The following HECW2 variants were observed in gnomAD, a reference collection of about 807,000 sequenced individuals.
HECW2 encodes HECT, C2 and WW domain containing E3 ubiquitin protein ligase 2.
Under a neutral mutation model 175.2 loss-of-function variants are expected in HECW2, and 61 were observed. That is an observed-to-expected ratio of 0.35 (90% CI 0.28 to 0.43). The LOEUF is 0.43. HECW2 is among the 20% of genes least tolerant of loss of function. HECW2 has a pLI of 1.00. For synonymous variants in HECW2, 671 were observed against 731.0 expected, an observed-to-expected ratio of 0.92 and a Z score of 1.32; for missense variants, 1,524 against 2,000.5, an observed-to-expected ratio of 0.76 and a Z score of 4.54.
intron 1 of HECW2, among the ~76,000 whole-genome samples, chr2:196,496,955 A>G (rs1575606458): frequency 6.6e-6 from 1 of 152,210 alleles, no homozygotes; most frequent in Admixed American, 6.5e-5. Flanking sequence ...GGGAAAAATG[A>G]GTAAAACGCA....
At chr2:196,257,137 T>G (rs1189870544) in intron 18 of HECW2, among the ~76,000 whole-genome samples, 1 of 152,196 alleles carries the variant, frequency 6.6e-6, no homozygotes, top group African/African-American at 2.4e-5. Context: ...AACCACTGGG[T>G]AGAGCAAAGC....
chr2:196,437,609 C>G (rs1695916188), intron 1 of HECW2, among the ~76,000 whole-genome samples: 1 of 1,008 alleles, frequency 9.9e-4, no homozygotes, highest in Admixed American at 0.022. Context: ...GAGACTCTGT[C>G]TCAAAAAAAA....
chr2:196,355,900 T>C (rs1015267265), intron 2 of HECW2, among the ~76,000 whole-genome samples: 2 of 152,062 alleles, frequency 1.3e-5, no homozygotes, highest in African/African-American at 4.8e-5. Flanking sequence ...CAATTTTACA[T>C]AGGTTGGTCA....
At chr2:196,292,293 TAGAG>T in intron 14 of HECW2, 4 of 375,778 alleles carry the variant, frequency 1.1e-5, no homozygotes, top group South Asian at 1.1e-4. Flanking sequence ...CAGCAGAGCA[TAGAG>T]AGAGATGACA....
intron 17 of HECW2, among the ~76,000 whole-genome samples, chr2:196,259,361 T>C (rs1422500578): frequency 6.6e-6 from 1 of 152,190 alleles, no homozygotes; most frequent in Non-Finnish European, 1.5e-5. Flanking sequence ...GAAGGCAAGG[T>C]TTCATGTTCA....
At chr2:196,234,529 A>G (rs1385238006) in intron 21 of HECW2, among the ~76,000 whole-genome samples, 1 of 152,120 alleles carries the variant, frequency 6.6e-6, no homozygotes, top group East Asian at 1.9e-4. Flanking sequence ...TCCTCGCCTG[A>G]AGCAATACTC....
intron 1 of HECW2, among the ~76,000 whole-genome samples, chr2:196,434,212 C>A (rs190140246): frequency 6.6e-6 from 1 of 152,180 alleles, no homozygotes; most frequent in Non-Finnish European, 1.5e-5. Context: ...GCCTGCTACA[C>A]GGTACATGTC....
intron 1 of HECW2, among the ~76,000 whole-genome samples, chr2:196,581,922 C>T (rs1462096420): frequency 2.6e-5 from 4 of 151,292 alleles, no homozygotes; most frequent in African/African-American, 4.9e-5. Context: ...AAAAATTAGC[C>T]GGGAGTGGTG....
At chr2:196,353,556 T>C (rs1693249641) in intron 2 of HECW2, among the ~76,000 whole-genome samples, 1 of 152,196 alleles carries the variant, frequency 6.6e-6, no homozygotes, top group Admixed American at 6.5e-5. Flanking sequence ...GAATGGAAGA[T>C]ATTGATAATG....
At position 196,271,270 on chromosome 2, in the gene HECW2, A is replaced by C. The variant is rs748631113; in HGVS notation, c.3258T>G (p.Val1086=). The C allele has an allele frequency of 1.9e-6, 3 of 1,607,820 alleles. No homozygotes were observed. Among genetic ancestry groups the C allele is most frequent in the Non-Finnish European group, 1.7e-6 (2 of 1,174,520 alleles). The change falls in exon 17 of 29, where the codon GTT becomes GTG. Residue 1086 remains valine, a synonymous_variant. Coordinates refer to ENST00000644978, the MANE Select transcript of HECW2 (RefSeq NM_001348768.2). The part of the protein sequence containing the change: ...MVPVAYNDKI[V]AFLRQPNIFE... ...AGATATTGGGTTGACGTAGAAATGC[A>C]ACAATCTTGTCATTGTAAGCTGAAA...
At chr2:196,310,789 T>TGTGTGTGTGTGTG (rs1559030489) in intron 10 of HECW2, among the ~76,000 whole-genome samples, 5 of 151,434 alleles carry the variant, frequency 3.3e-5, no homozygotes, top group Admixed American at 6.6e-5. Context: ...TGTGTGTGTG[T>TGTGTGTGTGTGTG]TTTGCACTGA....
chr2:196,384,726 C>T (rs1297278379), intron 2 of HECW2, among the ~76,000 whole-genome samples: 3 of 152,122 alleles, frequency 2.0e-5, no homozygotes, highest in African/African-American at 7.2e-5. Context: ...ATTATGACAT[C>T]CTGAATTAAG....
chr2:196,592,734 C>A (rs964860793), intron 1 of HECW2: 1 of 152,150 alleles, frequency 6.6e-6, no homozygotes, highest in Non-Finnish European at 1.5e-5. Context: ...AAGCCACCTC[C>A]CGCCGTCCGC....
intron 3 of HECW2, among the ~76,000 whole-genome samples, chr2:196,337,951 G>A (rs1436719617): frequency 6.6e-6 from 1 of 152,148 alleles, no homozygotes; most frequent in East Asian, 1.9e-4. Flanking sequence ...TTATAGCATT[G>A]CTAAAATACA....
intron 18 of HECW2, among the ~76,000 whole-genome samples, chr2:196,257,420 G>A (rs1689103378): frequency 1.1e-5 from 1 of 94,660 alleles, no homozygotes; most frequent in Non-Finnish European, 2.5e-5. Context: ...ATAATGCCTT[G>A]AGTCAGCAAA....
At chr2:196,460,739 T>TAACTGGGACTAC (rs968828384) in intron 1 of HECW2, among the ~76,000 whole-genome samples, 1 of 150,246 alleles carries the variant, frequency 6.7e-6, no homozygotes, top group African/African-American at 2.4e-5. Flanking sequence ...GCCTCCCAAG[T>TAACTGGGACTAC]AACTGGGACT....
At chr2:196,532,419 G>A (rs1688871301) in intron 1 of HECW2, among the ~76,000 whole-genome samples, 1 of 152,098 alleles carries the variant, frequency 6.6e-6, no homozygotes, top group South Asian at 2.1e-4. Flanking sequence ...ATAAGTGGGA[G>A]TTGAACAAGG....
chr2:196,398,093 AG>A (rs11343456), intron 2 of HECW2, among the ~76,000 whole-genome samples: 89,039 of 147,518 alleles, frequency 0.6, 30,379 homozygotes, highest in East Asian at 0.86. Context: ...AAGTGAGTGT[AG>A]GGGAAAGGTG....
At chr2:196,384,006 G>A (rs965930935) in intron 2 of HECW2, among the ~76,000 whole-genome samples, 2 of 152,172 alleles carry the variant, frequency 1.3e-5, no homozygotes, top group East Asian at 3.8e-4. Context: ...GTTACTGAGG[G>A]TTAGATGAGG....
Sources: gnomAD v4.1 joint callset for allele counts (sites outside exome capture counted in the v4.1 genomes callset) on GRCh38, gnomAD v4.1.1 for gene constraint, MANE v1.5 for transcripts, NCBI Gene and HGNC (gene_info 2026-07-23, HGNC 2026-07-21) for gene names.